The following CDYL variants were observed in gnomAD, a reference collection of about 807,000 sequenced individuals.
CDYL encodes the protein chromodomain Y like.
A neutral mutation model predicts 47.3 loss-of-function variants in CDYL; 8 were observed. The ratio of observed to expected loss-of-function variants is 0.17; its 90% confidence interval spans 0.10 to 0.31. The LOEUF (loss-of-function observed/expected upper bound fraction) is 0.31. Ranked by LOEUF, CDYL falls within the 10% of genes least tolerant of loss-of-function variation. CDYL has a pLI of 1.00. For missense variants in CDYL, 471 were observed against 701.4 expected (o/e 0.67, Z 3.71); for synonymous variants, 266 against 265.0 (o/e 1.00, Z -0.04).
chr6:4,846,220 C>T (rs1760652822), intron 1 of CDYL, among the ~76,000 whole-genome samples: 1 of 149,164 alleles, frequency 6.7e-6, no homozygotes, highest in Non-Finnish European at 1.5e-5. Flanking sequence ...GCTATTTTTT[C>T]AGATGTTGTC....
chr6:4,712,335 T>C (rs1219970633), intron 1 of CDYL, among the ~76,000 whole-genome samples: 1 of 152,138 alleles, frequency 6.6e-6, no homozygotes, highest in Non-Finnish European at 1.5e-5. Context: ...GGTGCAGAGA[T>C]ACTAGGAATC....
intron 2 of CDYL, among the ~76,000 whole-genome samples, chr6:4,721,942 A>G (rs1582278606): frequency 6.6e-6 from 1 of 151,786 alleles, no homozygotes; most frequent in East Asian, 2.0e-4. Flanking sequence ...GGCTCACTGC[A>G]AGCTCCACCT....
In CDYL at chr6:4,722,042, AC is replaced by A. The variant is rs1318011565; in HGVS notation, c.103+6162del. 7.2e-5 allele frequency among the ~76,000 whole-genome samples: 11 copies of A among 152,188 alleles called. No individual in the cohort carries two copies. In the East Asian group the frequency reaches 2.1e-3, roughly 29 times the overall value. ...GCTAATTTTTGTATTTTTAGTAGAGACGGGATTTCATCATGTTGGTCAGGCT... is the reference window on the plus strand; with the variant it reads ...GCTAATTTTTGTATTTTTAGTAGAGAGGGATTTCATCATGTTGGTCAGGCT... On this transcript the variant is annotated intron_variant, in intron 2 of 8. Coordinates refer to the CDYL transcript ENST00000328908.
At chr6:4,890,093 T>C in intron 1 of CDYL, 1 of 985,454 alleles carries the variant, frequency 1.0e-6, no homozygotes. Flanking sequence ...TGGTTTAGTA[T>C]ACTGCCCGCT....
chr6:4,835,639 C>T (rs941368126), intron 1 of CDYL, among the ~76,000 whole-genome samples: 1 of 152,292 alleles, frequency 6.6e-6, no homozygotes, highest in Non-Finnish European at 1.5e-5. Flanking sequence ...GCAGAGCTTA[C>T]TGCTGTCTTT....
intron 2 of CDYL, among the ~76,000 whole-genome samples, chr6:4,895,473 GTATATATGTATA>G (rs1290502893): frequency 2.1e-4 from 1 of 4,710 alleles, no homozygotes; most frequent in African/African-American, 2.2e-4. Context: ...ACATATATAC[GTATATATGTATA>G]TATACATGTA....
intron 3 of CDYL, among the ~76,000 whole-genome samples, chr6:4,740,201 A>G (rs1041304492): frequency 1.3e-5 from 2 of 152,162 alleles, no homozygotes; most frequent in African/African-American, 4.8e-5. Context: ...CTGTTTCCCA[A>G]CTACACCAAC....
At chr6:4,837,746 T>C (rs1267813420) in intron 1 of CDYL, among the ~76,000 whole-genome samples, 1 of 151,304 alleles carries the variant, frequency 6.6e-6, no homozygotes, top group African/African-American at 2.4e-5. Flanking sequence ...TACAGGCACA[T>C]GAGCCACCGC....
chr6:4,827,744 T>G (rs1452504147), intron 1 of CDYL, among the ~76,000 whole-genome samples: 4 of 152,116 alleles, frequency 2.6e-5, no homozygotes, highest in Non-Finnish European at 5.9e-5. Flanking sequence ...AAACCTCTGT[T>G]TCCCAGGGTC....
chr6:4,845,789 G>T (rs76529009), intron 1 of CDYL, among the ~76,000 whole-genome samples: 1 of 152,074 alleles, frequency 6.6e-6, no homozygotes, highest in South Asian at 2.1e-4. Flanking sequence ...TTTTCCAACC[G>T]CTGAAAACGT....
At chr6:4,719,868 GA>G (rs572791927) in intron 2 of CDYL, among the ~76,000 whole-genome samples, 2 of 152,046 alleles carry the variant, frequency 1.3e-5, no homozygotes, top group Non-Finnish European at 2.9e-5. Context: ...CCATTACACA[GA>G]AAAAAACTTA....
intron 2 of CDYL, among the ~76,000 whole-genome samples, chr6:4,919,599 G>A (rs764995824): frequency 5.9e-5 from 9 of 152,092 alleles, no homozygotes; most frequent in Non-Finnish European, 1.0e-4. Flanking sequence ...AAAATTCTTC[G>A]AGTTTTCAGG....
chr6:4,718,777 C>A (rs1460006609), intron 2 of CDYL, among the ~76,000 whole-genome samples: 1 of 151,918 alleles, frequency 6.6e-6, no homozygotes, highest in Non-Finnish European at 1.5e-5. Context: ...TTGTTATTTT[C>A]TTTTTCACTC....
At chr6:4,870,568 G>A (rs1561679732) in intron 1 of CDYL, among the ~76,000 whole-genome samples, 2 of 151,966 alleles carry the variant, frequency 1.3e-5, no homozygotes, top group Non-Finnish European at 2.9e-5. Context: ...AATATTTTTA[G>A]CCATTATTTC....
intron 2 of CDYL, among the ~76,000 whole-genome samples, chr6:4,928,490 A>G (rs1319044839): frequency 1.3e-5 from 2 of 152,204 alleles, no homozygotes; most frequent in African/African-American, 4.8e-5. Flanking sequence ...CTATCTCACA[A>G]CATCTTAAAA....
At chr6:4,797,076 G>T (rs1329837817) in intron 1 of CDYL, among the ~76,000 whole-genome samples, 1 of 151,990 alleles carries the variant, frequency 6.6e-6, no homozygotes, top group Non-Finnish European at 1.5e-5. Flanking sequence ...AAGGATATTG[G>T]CATTCTTCAC....
rs1355747703 is a variant in CDYL, at chr6:4,954,235, T to C, written c.*179T>C. The C allele has an allele frequency of 9.1e-6, 5 of 547,954 alleles. No homozygotes were observed. Among genetic ancestry groups the C allele is most frequent in the East Asian group, 9.0e-5 (3 of 33,240 alleles). The allele number at this position is 547,954 out of a possible 1,614,324, so 33.9% of individuals were successfully genotyped here. On this transcript the variant is annotated 3_prime_UTR_variant, in exon 7 of 7. Transcript: ENST00000397588. ...GAGGAGTTTTAAAGTACTGTAACTT[T>C]AAAATAAATAACTACAAAGCTTCTT...
intron 1 of CDYL, among the ~76,000 whole-genome samples, chr6:4,818,810 A>T (rs1377661474): frequency 1.8e-4 from 27 of 152,246 alleles, no homozygotes; most frequent in Admixed American, 1.8e-3. Context: ...TGTAAAAATC[A>T]TGTTAACTTG....
chr6:4,791,726 C>T (rs1339320812), intron 1 of CDYL, among the ~76,000 whole-genome samples: 1 of 152,022 alleles, frequency 6.6e-6, no homozygotes, highest in African/African-American at 2.4e-5. Context: ...AAAAAAGTCC[C>T]ATGCCCTACC....
Sources: gnomAD v4.1 joint callset for allele counts (sites outside exome capture counted in the v4.1 genomes callset) on GRCh38, gnomAD v4.1.1 for gene constraint, MANE v1.5 for transcripts, NCBI Gene and HGNC (gene_info 2026-07-23, HGNC 2026-07-21) for gene names.